CSMD1: variants seen among roughly 807,000 people sequenced by gnomAD.
The protein encoded by CSMD1 is CUB and sushi domain-containing protein 1.
CSMD1 carries 213 observed loss-of-function variants against 417.5 expected under a neutral mutation model. The observed-to-expected ratio is 0.51, with a 90% confidence interval of 0.46 to 0.57. The LOEUF is 0.57. CSMD1 is among the 20% of genes least tolerant of loss of function. CSMD1 has a pLI of 0.00. For missense variants in CSMD1, 6,923 were observed against 4,529.7 expected, an observed-to-expected ratio of 1.53 and a Z score of -15.17; for synonymous variants, 2,862 against 1,736.8, an observed-to-expected ratio of 1.65 and a Z score of -16.11.
intron 3 of CSMD1, among the ~76,000 whole-genome samples, chr8:4,086,302 A>G (rs949228805): frequency 1.4e-4 from 21 of 152,234 alleles, no homozygotes; most frequent in African/African-American, 4.8e-4. Context: ...AAAAACAGTC[A>G]TCAGACAGAA....
intron 9 of CSMD1, among the ~76,000 whole-genome samples, chr8:3,578,360 T>C (rs1055541245): frequency 1.2e-4 from 18 of 152,002 alleles, no homozygotes; most frequent in Non-Finnish European, 5.9e-5. Context: ...GGATGCCTGC[T>C]GTCCTCCCTT....
chr8:3,591,952 T>C lies in CSMD1; in HGVS notation c.1098-5692A>G, dbSNP rs183205908. Among the ~76,000 whole-genome samples, 31 of 152,138 alleles carry C rather than the reference T, an allele frequency of 2.0e-4. No homozygotes were observed. The East Asian group carries it at 4.9e-3, about 24-fold the overall frequency. On this transcript the variant is annotated intron_variant, in intron 8 of 69. Transcript: ENST00000635120. ...ATAGATGGATAGATACACAGATGCA[T>C]GGATAGATGAATGGATGGAAAGATA...
intron 3 of CSMD1, among the ~76,000 whole-genome samples, chr8:4,228,687 T>C (rs1035750569): frequency 2.6e-5 from 4 of 152,042 alleles, no homozygotes; most frequent in Non-Finnish European, 5.9e-5. Context: ...ATTCATTTAT[T>C]ATTTCTTTTT....
intron 5 of CSMD1, among the ~76,000 whole-genome samples, chr8:3,898,183 T>C (rs867269970): frequency 6.6e-6 from 1 of 152,042 alleles, no homozygotes; most frequent in Non-Finnish European, 1.5e-5. Context: ...CTGCAAGCCA[T>C]CCAGCAACAA....
intron 3 of CSMD1, among the ~76,000 whole-genome samples, chr8:4,314,626 C>T (rs1042398173): frequency 3.0e-5 from 4 of 132,620 alleles, no homozygotes; most frequent in African/African-American, 1.1e-4. Context: ...CACACACACA[C>T]AAAAGCAATG....
intron 12 of CSMD1, among the ~76,000 whole-genome samples, chr8:3,432,224 T>C (rs769836072): frequency 2.6e-5 from 4 of 152,036 alleles, no homozygotes; most frequent in Admixed American, 6.6e-5. Flanking sequence ...AATATGACTA[T>C]GGAAAAATAA....
At chr8:3,308,749 T>TTTG (rs1805093596) in intron 23 of CSMD1, among the ~76,000 whole-genome samples, 1 of 149,030 alleles carries the variant, frequency 6.7e-6, no homozygotes, top group African/African-American at 2.5e-5. Flanking sequence ...TTTTTTTTTT[T>TTTG]TTTTGCTTTT....
intron 7 of CSMD1, among the ~76,000 whole-genome samples, chr8:3,671,063 T>C (rs910903435): frequency 2.2e-5 from 3 of 137,198 alleles, no homozygotes; most frequent in Admixed American, 1.5e-4. Flanking sequence ...AGGATATATA[T>C]GTATATGGGA....
chr8:4,618,830 A>G (rs1357367306), intron 2 of CSMD1, among the ~76,000 whole-genome samples: 1 of 152,180 alleles, frequency 6.6e-6, no homozygotes, highest in Non-Finnish European at 1.5e-5. Flanking sequence ...AGGATCTTCC[A>G]TCTTACCTTA....
At chr8:4,062,581 TCAGTGATACGTCC>T (rs1799032551) in intron 3 of CSMD1, among the ~76,000 whole-genome samples, 1 of 152,172 alleles carries the variant, frequency 6.6e-6, no homozygotes, top group Non-Finnish European at 1.5e-5. Flanking sequence ...ATAAAAGTTT[TCAGTGATACGTCC>T]CAGATCTGAT....
chr8:4,516,579 G>C (rs1803140031), intron 2 of CSMD1, among the ~76,000 whole-genome samples: 1 of 152,150 alleles, frequency 6.6e-6, no homozygotes, highest in Non-Finnish European at 1.5e-5. Context: ...GCCTCTGGAA[G>C]AGCTTGTGTT....
chr8:3,018,416 C>G, intron 52 of CSMD1, 61 bp downstream of exon 52: 14 of 1,502,264 alleles, frequency 9.3e-6, no homozygotes, highest in Non-Finnish European at 1.3e-5. Context: ...TGTTACACAG[C>G]TGTAATCTAT....
chr8:4,446,755 C>CTGTGTGTGTGTG (rs58002310), intron 2 of CSMD1, among the ~76,000 whole-genome samples: 14 of 132,948 alleles, frequency 1.1e-4, no homozygotes, highest in Non-Finnish European at 1.4e-4. Flanking sequence ...GTGTGTGTGT[C>CTGTGTGTGTGTG]TGTGTGTGTG....
At chr8:3,978,246 A>G (rs576147125) in intron 5 of CSMD1, among the ~76,000 whole-genome samples, 2 of 152,310 alleles carry the variant, frequency 1.3e-5, no homozygotes, top group East Asian at 3.9e-4. Context: ...GGCAGCCTCC[A>G]GCAGAGGTGA....
chr8:4,247,189 G>C (rs1468127586), intron 3 of CSMD1, among the ~76,000 whole-genome samples: 2 of 152,150 alleles, frequency 1.3e-5, no homozygotes, highest in African/African-American at 2.4e-5. Context: ...AACACAGTTT[G>C]CATAGCATTT....
intron 2 of CSMD1, among the ~76,000 whole-genome samples, chr8:4,591,983 GC>G (rs1250479724): frequency 3.3e-5 from 5 of 152,102 alleles, no homozygotes; most frequent in Non-Finnish European, 5.9e-5. Context: ...ATTGGCAAAG[GC>G]AAAACAGGCT....
At chr8:4,250,528 A>C (rs6998882) in intron 3 of CSMD1, among the ~76,000 whole-genome samples, 12,530 of 152,230 alleles carry the variant, frequency 0.082, 671 homozygotes, top group East Asian at 0.18. Context: ...TATATCGCCC[A>C]TGAAGTCAAC....
intron 1 of CSMD1, among the ~76,000 whole-genome samples, chr8:4,658,547 T>A (rs1240385219): frequency 6.6e-6 from 1 of 152,148 alleles, no homozygotes; most frequent in Admixed American, 6.6e-5. Flanking sequence ...AATCAGACAT[T>A]GATAAACTAG....
chr8:3,657,702 G>A (rs1030983725), intron 7 of CSMD1, among the ~76,000 whole-genome samples: 1 of 152,156 alleles, frequency 6.6e-6, no homozygotes, highest in African/African-American at 2.4e-5. Context: ...TCAGTGGGTA[G>A]GGGGCTAGGG....
Sources: allele counts gnomAD v4.1 joint callset (sites outside exome capture counted in the v4.1 genomes callset), GRCh38; gene constraint gnomAD v4.1.1; transcripts MANE v1.5; gene names NCBI Gene and HGNC (gene_info 2026-07-23, HGNC 2026-07-21).